SPAG9: variants seen among roughly 807,000 people sequenced by gnomAD.
SPAG9 encodes sperm associated antigen 9.
In SPAG9, 35 loss-of-function variants were observed where a neutral mutation model predicts 166.5. The observed-to-expected ratio is 0.21, with a 90% CI of 0.16 to 0.28. SPAG9 has a LOEUF of 0.28. Among genes scored for constraint, SPAG9 ranks in the 10% least tolerant of loss-of-function variants. SPAG9 has a pLI of 1.00. For missense variants in SPAG9, 1,235 were observed against 1,603.3 expected (o/e 0.77, Z 3.92); for synonymous variants, 534 against 565.5 (o/e 0.94, Z 0.79).
intron 24 of SPAG9, among the ~76,000 whole-genome samples, chr17:50,983,511 A>G (rs185087526): frequency 3.3e-5 from 5 of 152,330 alleles, no homozygotes; most frequent in African/African-American, 9.6e-5. Context: ...TTTGAGGCTT[A>G]AGGCATTAAA....
intron 23 of SPAG9, among the ~76,000 whole-genome samples, chr17:50,985,193 T>C (rs1031338300): frequency 6.6e-6 from 1 of 152,202 alleles, no homozygotes; most frequent in Non-Finnish European, 1.5e-5. Flanking sequence ...ATAAACAGTA[T>C]GAATGGTATC....
intron 4 of SPAG9, among the ~76,000 whole-genome samples, chr17:51,042,031 A>G (rs757406802): frequency 8.5e-5 from 13 of 152,196 alleles, no homozygotes; most frequent in Non-Finnish European, 1.9e-4. Context: ...AAGTGAATCC[A>G]ACCCATTTCT....
chr17:51,085,947 C>T, intron 1 of SPAG9, among the ~76,000 whole-genome samples: 1 of 148,500 alleles, frequency 6.7e-6, no homozygotes, highest in Admixed American at 6.8e-5. Flanking sequence ...ATTTTTTATC[C>T]TCTTGGAAAT....
chr17:51,065,189 A>G (rs1313391225), intron 2 of SPAG9, among the ~76,000 whole-genome samples: 1 of 152,126 alleles, frequency 6.6e-6, no homozygotes, highest in Non-Finnish European at 1.5e-5. Context: ...TTAGATTTCA[A>G]TTTTTAATTT....
At chr17:50,988,525 C>T (rs946121786) in intron 21 of SPAG9, among the ~76,000 whole-genome samples, 9 of 152,310 alleles carry the variant, frequency 5.9e-5, no homozygotes, top group South Asian at 2.1e-4. Flanking sequence ...AACCCTTTAA[C>T]GGAGGAGCCT....
chr17:51,054,276 C>T (rs1187046398), intron 3 of SPAG9, among the ~76,000 whole-genome samples: 1 of 151,374 alleles, frequency 6.6e-6, no homozygotes, highest in African/African-American at 2.4e-5. Context: ...GCCACCATGC[C>T]TGGCTATTTT....
chr17:51,034,176 CA>C (rs1286272274), intron 5 of SPAG9, among the ~76,000 whole-genome samples: 1 of 152,142 alleles, frequency 6.6e-6, no homozygotes, highest in Admixed American at 6.5e-5. Context: ...ATAAACAAAA[CA>C]ATATGAAATA....
Position 51,113,480 on chromosome 17 carries a change from T to C in SPAG9, c.303+6874A>G, listed in dbSNP as rs769178223. ...GGATCACCTGAGGTTAGGAGTTCAA[T>C]ACCAGCCTGGACAACATGGTAAAAC... On this transcript the variant is annotated intron_variant, in intron 1 of 29. Transcript: ENST00000262013. Among the ~76,000 whole-genome samples the C allele has an allele frequency of 3.3e-4, 49 of 148,948 alleles. 1 individual carries two copies. The highest frequency in any genetic ancestry group is 3.1e-4 in the Non-Finnish European group (21 of 67,448).
At chr17:51,112,949 T>C (rs2144787041) in intron 1 of SPAG9, among the ~76,000 whole-genome samples, 1 of 135,348 alleles carries the variant, frequency 7.4e-6, no homozygotes, top group African/African-American at 2.8e-5. Context: ...CACTCCAGCC[T>C]GAACCTCATC....
chr17:51,077,171 C>T (rs571939093), intron 2 of SPAG9, among the ~76,000 whole-genome samples: 2 of 151,404 alleles, frequency 1.3e-5, no homozygotes, highest in East Asian at 2.0e-4. Context: ...GTTGCCCAGG[C>T]CAAGTGTAGT....
At chr17:51,089,632 A>T (rs1311855769) in intron 1 of SPAG9, among the ~76,000 whole-genome samples, 23 of 71,462 alleles carry the variant, frequency 3.2e-4, no homozygotes, top group African/African-American at 1.7e-3. Flanking sequence ...ATATATATAT[A>T]TATATATATA....
intron 6 of SPAG9, among the ~76,000 whole-genome samples, chr17:51,022,611 A>G (rs997285287): frequency 1.5e-4 from 22 of 151,210 alleles, no homozygotes; most frequent in African/African-American, 5.3e-4. Flanking sequence ...AAACTGACAA[A>G]AAGTTTACAG....
chr17:51,007,776 T>C (rs1051902226), intron 9 of SPAG9: 1 of 428,398 alleles, frequency 2.3e-6, no homozygotes, highest in African/African-American at 2.1e-5. Flanking sequence ...ACCTTATTAA[T>C]AGAGAACAGG....
intron 7 of SPAG9, 65 bp downstream of exon 7, chr17:51,021,093 T>A: frequency 7.3e-7 from 1 of 1,373,590 alleles, no homozygotes; most frequent in Admixed American, 1.7e-5. Context: ...ACATATTTTC[T>A]CATACCCACA....
At chr17:51,025,645 C>T (rs552323300) in intron 6 of SPAG9, among the ~76,000 whole-genome samples, 2 of 152,172 alleles carry the variant, frequency 1.3e-5, no homozygotes, top group African/African-American at 2.4e-5. Context: ...AATCCCAGCA[C>T]TTTGAGAGGT....
intron 24 of SPAG9, among the ~76,000 whole-genome samples, chr17:50,983,088 G>A (rs1236439129): frequency 6.6e-6 from 1 of 152,158 alleles, no homozygotes; most frequent in African/African-American, 2.4e-5. Flanking sequence ...TAACACTTTA[G>A]GAATTATGCA....
Position 51,005,237 on chromosome 17 carries a change from C to T in SPAG9, c.1451G>A (p.Arg484Lys), listed in dbSNP as rs777432902. 3.7e-6 allele frequency: 6 copies of T among 1,613,750 alleles called. No individual in the cohort carries two copies. Among genetic ancestry groups the T allele is most frequent in the Non-Finnish European group, 5.1e-6 (6 of 1,179,860 alleles). The stretch of plus-strand genomic sequence containing the variant: ...ATCATCGTCATCTTTTGCTTTTTGC[C>T]TTGCATCTTCAGCTTCTGCCCGAGC... ...RKARAEAEDA[R>K]QKAKDDDDSD... Residue 484 changes from arginine (R) to lysine (K), a missense_variant, in exon 12 of 30, where the codon AGG becomes AAG. Physicochemically the swap from Arg to Lys is conservative, Grantham distance 26. Around this residue, in one of 6 missense-constraint regions of SPAG9, gnomAD observed 125 missense variants for 194.0 expected, o/e 0.64. Transcript: ENST00000262013.
intron 19 of SPAG9, among the ~76,000 whole-genome samples, chr17:50,991,519 A>G (rs1975549044): frequency 6.6e-6 from 1 of 152,082 alleles, no homozygotes; most frequent in Non-Finnish European, 1.5e-5. Flanking sequence ...AATAATATAT[A>G]TATAAACAAA....
chr17:51,051,143 T>C (rs1468370131), intron 3 of SPAG9, among the ~76,000 whole-genome samples: 4 of 152,126 alleles, frequency 2.6e-5, no homozygotes, highest in Non-Finnish European at 5.9e-5. Flanking sequence ...GGAGGCTTGC[T>C]CTGTCACCCA....
Sources: gnomAD v4.1 joint callset for allele counts (sites outside exome capture counted in the v4.1 genomes callset) on GRCh38, gnomAD v4.1.1 for gene constraint, gnomAD v4.1.1 regional missense constraint, MANE v1.5 for transcripts, NCBI Gene and HGNC (gene_info 2026-07-23, HGNC 2026-07-21) for gene names.